The following SESTD1 variants were observed in gnomAD, a reference collection of about 807,000 sequenced individuals.
SESTD1 encodes the protein SEC14 domain and spectrin repeat-containing protein 1.
In SESTD1, 43 loss-of-function variants were observed where a neutral mutation model predicts 101.7. The observed-to-expected ratio is 0.42, with a 90% confidence interval of 0.33 to 0.55. The LOEUF is 0.55. SESTD1 is among the 20% of genes least tolerant of loss of function. The pLI is 0.07. For synonymous variants in SESTD1, 283 were observed against 286.8 expected (o/e 0.99, Z 0.13); for missense variants, 647 against 815.1 (o/e 0.79, Z 2.51).
At chr2:179,239,884 T>C (rs918242775) in intron 1 of SESTD1, among the ~76,000 whole-genome samples, 1 of 152,160 alleles carries the variant, frequency 6.6e-6, no homozygotes, top group African/African-American at 2.4e-5. Flanking sequence ...AACAACCAAT[T>C]TACAATCATT....
intron 3 of SESTD1, among the ~76,000 whole-genome samples, chr2:179,178,590 G>A (rs1430199409): frequency 6.6e-6 from 1 of 152,166 alleles, no homozygotes; most frequent in African/African-American, 2.4e-5. Flanking sequence ...AGACCACCAT[G>A]ACATAGGAGA....
chr2:179,127,949 A>G (rs2044914689), intron 10 of SESTD1, among the ~76,000 whole-genome samples: 1 of 152,240 alleles, frequency 6.6e-6, no homozygotes, highest in Non-Finnish European at 1.5e-5. Flanking sequence ...AATGCTCTAA[A>G]TAAATAGGCT....
chr2:179,193,614 C>T (rs893529429), intron 1 of SESTD1, among the ~76,000 whole-genome samples: 8 of 152,198 alleles, frequency 5.3e-5, no homozygotes, highest in Non-Finnish European at 8.8e-5. Context: ...AAACTATGCA[C>T]TGTTTTAAAC....
In SESTD1 at chr2:179,105,326, C is replaced by T. The variant is rs1053089794; in HGVS notation, c.*4573G>A. The T allele has an allele frequency of 2.0e-5, 3 of 151,928 alleles. No homozygotes were observed. Among genetic ancestry groups the T allele is most frequent in the Admixed American group, 6.6e-5 (1 of 15,230 alleles). 9.4% of individuals were successfully genotyped at this position (151,928 alleles called of 1,614,324 possible). A position where few individuals can be genotyped will look rare whatever the true frequency, so the allele number is the denominator to read the frequency against. On this transcript the variant is annotated 3_prime_UTR_variant, in exon 18 of 18. Transcript: ENST00000428443. ...GTCTATTAACAGGGTTATGTCACAC[C>T]TTGTCAACCTCAAAACAGATGATAC... is the stretch of plus-strand genomic sequence containing the variant.
chr2:179,226,272 G>A (rs1351417793), intron 1 of SESTD1, among the ~76,000 whole-genome samples: 1 of 151,982 alleles, frequency 6.6e-6, no homozygotes, highest in African/African-American at 2.4e-5. Flanking sequence ...TGAGTATCTG[G>A]ACCCCATTTA....
chr2:179,211,386 G>T (rs1243406798), intron 1 of SESTD1, among the ~76,000 whole-genome samples: 1 of 133,272 alleles, frequency 7.5e-6, no homozygotes, highest in Admixed American at 7.3e-5. Flanking sequence ...CAAATCTGGG[G>T]GCATCACATT....
At chr2:179,148,617 G>A (rs1473573015) in intron 7 of SESTD1, among the ~76,000 whole-genome samples, 2 of 152,106 alleles carry the variant, frequency 1.3e-5, no homozygotes, top group South Asian at 4.1e-4. Flanking sequence ...TTCAAATAAG[G>A]TTATAATAAT....
chr2:179,185,756 A>G (rs2046215327), intron 2 of SESTD1, among the ~76,000 whole-genome samples: 1 of 128,330 alleles, frequency 7.8e-6, no homozygotes, highest in African/African-American at 3.1e-5. Flanking sequence ...TATATTATAT[A>G]CAATATATAA....
intron 12 of SESTD1, 109 bp downstream of exon 12, chr2:179,123,606 G>T: frequency 1.5e-6 from 1 of 674,388 alleles, no homozygotes; most frequent in Non-Finnish European, 2.5e-6. Context: ...TCTGTTTCCT[G>T]AAAATAATAC....
rs1040270526 is a variant in SESTD1 at position 179,216,247 on chromosome 2, C to A, written c.-25-24381G>T. Among the ~76,000 whole-genome samples the A allele has an allele frequency of 3.7e-5, 5 of 135,300 alleles. 1 individual carries two copies. Among genetic ancestry groups the A allele is most frequent in the African/African-American group, 1.5e-4 (5 of 34,208 alleles). 88.8% of individuals were successfully genotyped at this position (135,300 alleles called of 152,430 possible). A position where few individuals can be genotyped will look rare whatever the true frequency, so the allele number is the denominator to read the frequency against. On this transcript the variant is annotated intron_variant, in intron 1 of 17. Transcript: ENST00000428443. ...GTGTATTTAGAAAACCCCACTGTCT[C>A]AGCCCAAAATCTCCTTAAGCTGATA...
At chr2:179,262,096 T>C (rs6734121) in intron 1 of SESTD1, among the ~76,000 whole-genome samples, 68,370 of 152,030 alleles carry the variant, frequency 0.45, 18,217 homozygotes, top group African/African-American at 0.75. Flanking sequence ...AAGCATTATG[T>C]TAAGTGAAAG....
chr2:179,111,719 C>CTTTT (rs572503441), intron 17 of SESTD1, among the ~76,000 whole-genome samples: 2 of 135,354 alleles, frequency 1.5e-5, no homozygotes, highest in Non-Finnish European at 3.2e-5. Context: ...CCTCCTGATT[C>CTTTT]TTTTTTTTTT....
intron 13 of SESTD1, among the ~76,000 whole-genome samples, chr2:179,120,742 T>C (rs552063020): frequency 2.6e-5 from 4 of 151,926 alleles, no homozygotes; most frequent in African/African-American, 9.7e-5. Flanking sequence ...CTGAAAAGAG[T>C]TGAAAATAAA....
rs141694680 is a variant in SESTD1 at position 179,209,871 on chromosome 2, C to T, written c.-25-18005G>A. 5.1e-3 allele frequency among the ~76,000 whole-genome samples: 676 copies of T among 132,346 alleles called. 147 individuals are homozygous for T. In the Middle Eastern group the frequency reaches 0.055, roughly 11 times the overall value. 86.8% of individuals were successfully genotyped at this position (132,346 alleles called of 152,430 possible). A position where few individuals can be genotyped will look rare whatever the true frequency, so the allele number is the denominator to read the frequency against. On this transcript the variant is annotated intron_variant, in intron 1 of 17. Coordinates refer to ENST00000428443, the MANE Select transcript of SESTD1 (RefSeq NM_178123.5). The stretch of plus-strand genomic sequence containing the variant: ...AAAAGAAATAAAGATCAGAGCAGAA[C>T]TAAATGAAACTGAAACAACAACAAA...
At chr2:179,147,993 C>A (rs13391187) in intron 7 of SESTD1, among the ~76,000 whole-genome samples, 1,773 of 152,292 alleles carry the variant, frequency 0.012, 30 homozygotes, top group African/African-American at 0.037. Flanking sequence ...TATTTATATA[C>A]ATATACAAAA....
At chr2:179,263,802 T>C (rs1482422830) in intron 1 of SESTD1, among the ~76,000 whole-genome samples, 1 of 151,814 alleles carries the variant, frequency 6.6e-6, no homozygotes, top group Non-Finnish European at 1.5e-5. Flanking sequence ...AATAGAAAAA[T>C]AAACACAACC....
intron 1 of SESTD1, among the ~76,000 whole-genome samples, chr2:179,199,183 G>A (rs1433251575): frequency 1.5e-4 from 23 of 151,914 alleles, no homozygotes; most frequent in East Asian, 3.9e-4. Context: ...ACACCTCTAC[G>A]CAAATAAACT....
intron 1 of SESTD1, among the ~76,000 whole-genome samples, chr2:179,224,596 T>C (rs974084848): frequency 6.6e-6 from 1 of 152,086 alleles, no homozygotes. Flanking sequence ...ATCAACCCTG[T>C]GAATAAAGAG....
At chr2:179,200,399 T>C (rs1559141628) in intron 1 of SESTD1, among the ~76,000 whole-genome samples, 1 of 152,012 alleles carries the variant, frequency 6.6e-6, no homozygotes, top group Non-Finnish European at 1.5e-5. Flanking sequence ...AATGACTTTC[T>C]TCACAGAATT....
Sources: gnomAD v4.1 joint callset for allele counts (sites outside exome capture counted in the v4.1 genomes callset) on GRCh38, gnomAD v4.1.1 for gene constraint, MANE v1.5 for transcripts, NCBI Gene and HGNC (gene_info 2026-07-23, HGNC 2026-07-21) for gene names.